CDYL: variants seen among roughly 807,000 people sequenced by gnomAD.
The protein encoded by CDYL is chromodomain Y like.
CDYL carries 8 observed loss-of-function variants against 47.3 expected under a neutral mutation model. The ratio of observed to expected loss-of-function variants is 0.17; its 90% CI spans 0.10 to 0.31. The LOEUF (loss-of-function observed/expected upper bound fraction) is 0.31. Among genes scored for constraint, CDYL ranks in the 10% least tolerant of loss-of-function variants. CDYL has a pLI of 1.00. For synonymous variants in CDYL, 266 were observed against 265.0 expected (o/e 1.00, Z -0.04); for missense variants, 471 against 701.4 (o/e 0.67, Z 3.71).
At chr6:4,916,937 A>G (rs1450259036) in intron 2 of CDYL, among the ~76,000 whole-genome samples, 2 of 152,202 alleles carry the variant, frequency 1.3e-5, no homozygotes, top group Admixed American at 1.3e-4. Context: ...TGGGGAGTCC[A>G]GAGCACCCTG....
At chr6:4,750,677 G>A (rs919321419) in intron 3 of CDYL, among the ~76,000 whole-genome samples, 3 of 151,940 alleles carry the variant, frequency 2.0e-5, no homozygotes, top group Admixed American at 2.0e-4. Context: ...TTAAAAATAA[G>A]TTTGAAAAGT....
At chr6:4,939,677 G>T (rs1268879834) in intron 4 of CDYL, among the ~76,000 whole-genome samples, 2 of 152,148 alleles carry the variant, frequency 1.3e-5, no homozygotes, top group African/African-American at 2.4e-5. Flanking sequence ...TTCAGTTTAA[G>T]ATTAAACTGC....
At chr6:4,942,537 C>T (rs1758390530) in intron 4 of CDYL, among the ~76,000 whole-genome samples, 1 of 152,228 alleles carries the variant, frequency 6.6e-6, no homozygotes, top group Non-Finnish European at 1.5e-5. Flanking sequence ...TTACTCTGCA[C>T]TTCTGATCTA....
At position 4,954,109 on chromosome 6, in the gene CDYL, A is replaced by T; in HGVS notation, c.*53A>T. 3.8e-6 allele frequency: 6 copies of T among 1,559,838 alleles called. No homozygotes were observed. Among genetic ancestry groups the T allele is most frequent in the Non-Finnish European group, 5.2e-6 (6 of 1,145,722 alleles). ...GGATCGGGCTGAGCAGGAGAACATC[A>T]CCGGCTCCAGTTCCCCTGATCCATT... On this transcript the variant is annotated 3_prime_UTR_variant, in exon 7 of 7. Transcript: ENST00000397588.
At chr6:4,942,888 C>A (rs576278821) in intron 4 of CDYL, among the ~76,000 whole-genome samples, 1 of 152,342 alleles carries the variant, frequency 6.6e-6, no homozygotes, top group Non-Finnish European at 1.5e-5. Context: ...CAGGCCTGAG[C>A]CCTGTGCTGT....
chr6:4,725,573 TGGACCTGCACCTCCGGGGCTTGCGGGC>T (rs1757495335), intron 2 of CDYL, among the ~76,000 whole-genome samples: 1 of 152,188 alleles, frequency 6.6e-6, no homozygotes, highest in African/African-American at 2.4e-5. Context: ...GGCTTGCTGG[TGGACCTGCACCTCCGGGGCTTGCGGGC>T]GGACCTGCCC....
chr6:4,945,914 A>G (rs1310178833), intron 5 of CDYL, among the ~76,000 whole-genome samples: 1 of 152,244 alleles, frequency 6.6e-6, no homozygotes, highest in Non-Finnish European at 1.5e-5. Context: ...CCATAGCCAC[A>G]GAGAGTGATG....
rs535913084 is a variant in CDYL, at chr6:4,869,642, T to C, written c.25-22071T>C. Reference sequence around the variant, plus strand: ...TTCTTATTGATTGCTGTAGGGATTATAATATGCATTTTAATTTATCGCAGC... The same window carrying C: ...TTCTTATTGATTGCTGTAGGGATTACAATATGCATTTTAATTTATCGCAGC... On this transcript the variant is annotated intron_variant, in intron 1 of 6. Coordinates refer to ENST00000397588, the MANE Select transcript of CDYL (RefSeq NM_004824.4). 3.9e-5 allele frequency among the ~76,000 whole-genome samples: 6 copies of C among 152,306 alleles called. No homozygotes were observed. In the South Asian group the frequency reaches 1.2e-3, roughly 32 times the overall value.
At chr6:4,792,772 AC>A (rs1286193146) in intron 1 of CDYL, among the ~76,000 whole-genome samples, 1 of 151,704 alleles carries the variant, frequency 6.6e-6, no homozygotes, top group Non-Finnish European at 1.5e-5. Flanking sequence ...AATCCTTCCT[AC>A]CCCAAGATCA....
chr6:4,833,479 A>G (rs1325009807), intron 1 of CDYL, among the ~76,000 whole-genome samples: 1 of 148,950 alleles, frequency 6.7e-6, no homozygotes, highest in Non-Finnish European at 1.5e-5. Context: ...TGCTGAGGAG[A>G]GCTTTACTTC....
intron 3 of CDYL, among the ~76,000 whole-genome samples, chr6:4,764,891 T>C (rs1471636835): frequency 1.3e-5 from 2 of 152,146 alleles, no homozygotes; most frequent in Non-Finnish European, 2.9e-5. Context: ...AAACACTGCA[T>C]AACAACTAAA....
chr6:4,755,820 C>T (rs771309034), intron 3 of CDYL, among the ~76,000 whole-genome samples: 1 of 152,160 alleles, frequency 6.6e-6, no homozygotes, highest in Non-Finnish European at 1.5e-5. Flanking sequence ...AGCAAGTATA[C>T]TGCAAAACTT....
At position 4,925,772 on chromosome 6, in the gene CDYL, G is replaced by C. The variant is rs199688201; in HGVS notation, c.692-9743G>C. Among the ~76,000 whole-genome samples, 15 of 152,244 alleles carry C rather than the reference G, an allele frequency of 9.9e-5. 1 individual carries two copies. The East Asian group carries it at 1.9e-3, about 20-fold the overall frequency. On this transcript the variant is annotated intron_variant, in intron 2 of 6. Coordinates refer to ENST00000397588, the MANE Select transcript of CDYL (RefSeq NM_004824.4). ...AGTGGACGAGTCCAGGACAGAGCCA[G>C]CTTCTGAGCCTAGGAGGTCGGGCGC...
rs532732585 is a variant in CDYL, at chr6:4,893,544, T to G, written c.691+1165T>G. ...CCCGTCTCTACTAAAAATACAAAAA[T>G]TAGCCAGGCGCGGTGGCGCGCACCT... is the stretch of plus-strand genomic sequence containing the variant. On this transcript the variant is annotated intron_variant, in intron 2 of 6. Transcript: ENST00000397588. 2.0e-5 allele frequency among the ~76,000 whole-genome samples: 3 copies of G among 152,252 alleles called. No homozygotes were observed. In the East Asian group the frequency reaches 5.8e-4, roughly 29 times the overall value.
At chr6:4,841,841 T>A (rs2127459211) in intron 1 of CDYL, among the ~76,000 whole-genome samples, 1 of 151,896 alleles carries the variant, frequency 6.6e-6, no homozygotes, top group South Asian at 2.1e-4. Context: ...GAATGTTCCA[T>A]GTGCTGATTA....
At chr6:4,916,488 A>G (rs1323943583) in intron 2 of CDYL, among the ~76,000 whole-genome samples, 1 of 152,260 alleles carries the variant, frequency 6.6e-6, no homozygotes, top group Non-Finnish European at 1.5e-5. Flanking sequence ...GAATGTCACA[A>G]CCACTGAGAA....
chr6:4,804,781 T>C (rs1278845700), intron 1 of CDYL, among the ~76,000 whole-genome samples: 1 of 152,230 alleles, frequency 6.6e-6, no homozygotes, highest in Non-Finnish European at 1.5e-5. Flanking sequence ...AAATGTCTTT[T>C]AATGGCAAAT....
At chr6:4,859,356 G>T (rs1201095149) in intron 1 of CDYL, among the ~76,000 whole-genome samples, 1 of 151,980 alleles carries the variant, frequency 6.6e-6, no homozygotes, top group Admixed American at 6.6e-5. Context: ...CATTGTGTAG[G>T]TAGGTCAGCT....
rs1300031654 is a variant in CDYL at position 4,891,959 on chromosome 6, T to G, written c.271T>G (p.Phe91Val). 1 of 1,613,968 alleles carries G rather than the reference T, an allele frequency of 6.2e-7. No homozygotes were observed. The highest frequency in any genetic ancestry group is 8.5e-7 in the Non-Finnish European group (1 of 1,180,020). ...KQISRSTNSN[F>V]SKTSPKALVI... ...AATCTCCAGATCCACCAACAGCAACTTTTCTAAGACCTCTCCTAAGGCACT... is the reference window on the plus strand; with the variant it reads ...AATCTCCAGATCCACCAACAGCAACGTTTCTAAGACCTCTCCTAAGGCACT... Residue 91 changes from phenylalanine to valine, a missense_variant, in exon 2 of 7, where the codon TTT becomes GTT. Physicochemically the swap from Phe to Val is conservative, Grantham distance 50. Around this residue, in one of 3 missense-constraint regions of CDYL, gnomAD observed 311 missense variants for 350.0 expected, o/e 0.89. Transcript: ENST00000397588.
Sources: allele counts gnomAD v4.1 joint callset (sites outside exome capture counted in the v4.1 genomes callset), GRCh38; gene constraint gnomAD v4.1.1; regional missense constraint gnomAD v4.1.1; transcripts MANE v1.5; gene names NCBI Gene and HGNC (gene_info 2026-07-23, HGNC 2026-07-21).